SMYD3: variants seen among roughly 807,000 people sequenced by gnomAD.
SMYD3 encodes the protein histone-lysine N-methyltransferase SMYD3.
In SMYD3, 36 loss-of-function variants were observed where a neutral mutation model predicts 57.7. That is an observed-to-expected ratio of 0.62 (90% CI 0.48 to 0.82). The LOEUF (loss-of-function observed/expected upper bound fraction) is 0.82. SMYD3 is among the 40% of genes least tolerant of loss of function. The pLI is 0.00. For missense variants in SMYD3, 515 were observed against 538.8 expected, an observed-to-expected ratio of 0.96 and a Z score of 0.44; for synonymous variants, 211 against 195.0, an observed-to-expected ratio of 1.08 and a Z score of -0.68.
intron 1 of SMYD3, among the ~76,000 whole-genome samples, chr1:246,393,656 T>C (rs1340260271): frequency 3.6e-5 from 4 of 111,238 alleles, no homozygotes; most frequent in Admixed American, 1.2e-4. Context: ...CTGAGCAACA[T>C]AGCGTGACCC....
At chr1:246,035,754 C>T (rs1295426453) in intron 5 of SMYD3, among the ~76,000 whole-genome samples, 2 of 152,204 alleles carry the variant, frequency 1.3e-5, no homozygotes, top group Non-Finnish European at 2.9e-5. Context: ...ACTCTTTCCA[C>T]TTCAGGCAAA....
intron 5 of SMYD3, among the ~76,000 whole-genome samples, chr1:246,232,440 A>G (rs1224163722): frequency 2.6e-5 from 4 of 152,156 alleles, no homozygotes; most frequent in Admixed American, 2.0e-4. Flanking sequence ...AAGAACATAT[A>G]CCATATACCA....
intron 10 of SMYD3, among the ~76,000 whole-genome samples, chr1:245,795,773 G>A (rs569297502): frequency 3.3e-4 from 50 of 152,252 alleles, no homozygotes; most frequent in African/African-American, 1.1e-3. Context: ...TGCATGAAGA[G>A]AAAGAGCCAA....
intron 1 of SMYD3, among the ~76,000 whole-genome samples, chr1:246,422,578 C>T (rs146730883): frequency 0.03 from 4,619 of 152,152 alleles, 107 homozygotes; most frequent in Non-Finnish European, 0.043. Context: ...GAGCCCACCA[C>T]GCCCAGCTAA....
At chr1:246,008,633 TC>T (rs1192981228) in intron 5 of SMYD3, among the ~76,000 whole-genome samples, 1 of 152,172 alleles carries the variant, frequency 6.6e-6, no homozygotes, top group Non-Finnish European at 1.5e-5. Flanking sequence ...AGTTTTCCTT[TC>T]CTTTCTCGAG....
intron 10 of SMYD3, among the ~76,000 whole-genome samples, chr1:245,799,048 G>C (rs12098019): frequency 2.4e-4 from 37 of 152,184 alleles, no homozygotes; most frequent in African/African-American, 8.9e-4. Context: ...CACAGAACAA[G>C]CTCTAGCCCT....
intron 5 of SMYD3, chr1:245,953,157 T>G (rs1012153219): frequency 2.4e-6 from 2 of 849,952 alleles, no homozygotes; most frequent in African/African-American, 3.7e-5. Flanking sequence ...AAAGAGGAAT[T>G]GAAGCTAGTT....
intron 10 of SMYD3, among the ~76,000 whole-genome samples, chr1:245,798,717 T>C (rs1254308603): frequency 6.6e-6 from 1 of 152,140 alleles, no homozygotes; most frequent in Non-Finnish European, 1.5e-5. Flanking sequence ...GTGCCTCCTG[T>C]TGCTCCCTTA....
chr1:246,006,216 A>G (rs537963470), intron 5 of SMYD3, among the ~76,000 whole-genome samples: 2 of 152,262 alleles, frequency 1.3e-5, no homozygotes, highest in East Asian at 3.9e-4. Flanking sequence ...TAAAGTTGTT[A>G]AAGTAAAAAT....
intron 10 of SMYD3, among the ~76,000 whole-genome samples, chr1:245,768,158 A>G (rs1558316687): frequency 6.6e-6 from 1 of 152,166 alleles, no homozygotes; most frequent in Non-Finnish European, 1.5e-5. Context: ...GGTGATATAA[A>G]TTTTCCTTTC....
intron 5 of SMYD3, among the ~76,000 whole-genome samples, chr1:246,224,484 C>T (rs2063300730): frequency 6.6e-6 from 1 of 151,850 alleles, no homozygotes; most frequent in African/African-American, 2.4e-5. Context: ...TATATTAGTA[C>T]TGAAATAGCA....
At chr1:246,260,248 C>T (rs912099973) in intron 5 of SMYD3, among the ~76,000 whole-genome samples, 2 of 152,118 alleles carry the variant, frequency 1.3e-5, no homozygotes, top group Non-Finnish European at 2.9e-5. Flanking sequence ...GGCTGCTGAA[C>T]CAGATAAGCA....
chr1:246,482,975 T>C (rs1262273938), intron 1 of SMYD3, among the ~76,000 whole-genome samples: 3 of 152,162 alleles, frequency 2.0e-5, no homozygotes, highest in African/African-American at 7.2e-5. Context: ...AACCCAAATT[T>C]CAGGTTTCTT....
chr1:246,402,193 G>A (rs1470049224), intron 1 of SMYD3, among the ~76,000 whole-genome samples: 1 of 151,686 alleles, frequency 6.6e-6, no homozygotes, highest in East Asian at 1.9e-4. Flanking sequence ...ACATATATAG[G>A]ATTAGCATAT....
Position 245,771,552 on chromosome 1 carries a change from C to T in SMYD3, c.1077-7403G>A, listed in dbSNP as rs527978880. 4.7e-4 allele frequency among the ~76,000 whole-genome samples: 71 copies of T among 152,288 alleles called. 2 individuals carry two copies. The South Asian group carries it at 0.014, about 29-fold the overall frequency. On this transcript the variant is annotated intron_variant, in intron 10 of 11. Transcript: ENST00000490107. Reference sequence around the variant, plus strand: ...ACAGCCTTCCAATGCTGTTTCAAGACATTAGACAGACATAGACTTGATAGC... The same window carrying T: ...ACAGCCTTCCAATGCTGTTTCAAGATATTAGACAGACATAGACTTGATAGC...
In SMYD3 at chr1:246,507,155, C is replaced by T. The variant is rs2103083399; in HGVS notation, c.63G>A (p.Val21=). The T allele has an allele frequency of 1.3e-6, 2 of 1,533,028 alleles. No individual in the cohort carries two copies. The highest frequency in any genetic ancestry group is 1.7e-4 in the Middle Eastern group (1 of 5,944). 95.0% of individuals were successfully genotyped at this position (1,533,028 alleles called of 1,614,324 possible). A position where few individuals can be genotyped will look rare whatever the true frequency, so the allele number is the denominator to read the frequency against. ...GTAGCTCTCCGGGGCGCAGCGGGGTCACGGCGCGCAGCCCGTTTCCCCTCT... is the reference window on the plus strand; with the variant it reads ...GTAGCTCTCCGGGGCGCAGCGGGGTTACGGCGCGCAGCCCGTTTCCCCTCT... ...TAKRGNGLRA[V]TPLRPGELLF... The change falls in exon 1 of 12, where the codon GTG becomes GTA. Residue 21 remains valine, a synonymous_variant. Coordinates refer to ENST00000490107, the MANE Select transcript of SMYD3 (RefSeq NM_001167740.2).
chr1:246,097,679 A>G (rs187713361), intron 5 of SMYD3, among the ~76,000 whole-genome samples: 23 of 151,870 alleles, frequency 1.5e-4, no homozygotes, highest in South Asian at 1.0e-3. Flanking sequence ...CCACTGCCTG[A>G]GAAGTCACAC....
intron 1 of SMYD3, among the ~76,000 whole-genome samples, chr1:246,390,692 C>G (rs2066546329): frequency 6.6e-6 from 1 of 152,046 alleles, no homozygotes; most frequent in Non-Finnish European, 1.5e-5. Flanking sequence ...AACATATAAT[C>G]AATACAAAAA....
chr1:246,139,234 G>A (rs1327878867), intron 5 of SMYD3, among the ~76,000 whole-genome samples: 1 of 152,064 alleles, frequency 6.6e-6, no homozygotes, highest in Non-Finnish European at 1.5e-5. Context: ...GTTATAAAGG[G>A]TCTTTCTCAA....
Sources: allele counts gnomAD v4.1 joint callset (sites outside exome capture counted in the v4.1 genomes callset), GRCh38; gene constraint gnomAD v4.1.1; transcripts MANE v1.5; gene names NCBI Gene and HGNC (gene_info 2026-07-23, HGNC 2026-07-21).